GPR39: variants seen among roughly 807,000 people sequenced by gnomAD.
GPR39 encodes zinc sensing receptor.
GPR39 carries 23 observed loss-of-function variants against 18.4 expected under a neutral mutation model. The observed-to-expected ratio is 1.25, with a 90% CI of 0.90 to 1.77. GPR39 has a LOEUF of 1.77. Among genes scored for constraint, GPR39 ranks in the 40% most tolerant of loss-of-function variants. The pLI is 0.00. For synonymous variants in GPR39, 280 were observed against 257.9 expected, an observed-to-expected ratio of 1.09 and a Z score of -0.82; for missense variants, 647 against 602.4, an observed-to-expected ratio of 1.07 and a Z score of -0.78.
intron 1 of GPR39, among the ~76,000 whole-genome samples, chr2:132,630,119 G>A (rs1374904160): frequency 6.6e-6 from 1 of 152,144 alleles, no homozygotes; most frequent in East Asian, 1.9e-4. Flanking sequence ...CATAGACATA[G>A]ACATAGGATA....
intron 1 of GPR39, among the ~76,000 whole-genome samples, chr2:132,599,266 A>T (rs1681000417): frequency 6.6e-6 from 1 of 152,186 alleles, no homozygotes; most frequent in Non-Finnish European, 1.5e-5. Flanking sequence ...AAGCAAAGAA[A>T]CATCTATTTG....
intron 1 of GPR39, among the ~76,000 whole-genome samples, chr2:132,573,390 A>C (rs958411100): frequency 7.2e-5 from 11 of 152,122 alleles, no homozygotes; most frequent in Admixed American, 5.9e-4. Context: ...AAAAGCAATC[A>C]GGAAGGTTTC....
chr2:132,622,663 C>G (rs1397651945), intron 1 of GPR39, among the ~76,000 whole-genome samples: 1 of 152,182 alleles, frequency 6.6e-6, no homozygotes, highest in Non-Finnish European at 1.5e-5. Flanking sequence ...TTTAGGGATT[C>G]TTTTTGTGGC....
intron 1 of GPR39, among the ~76,000 whole-genome samples, chr2:132,619,996 G>A (rs916777835): frequency 3.3e-5 from 5 of 152,018 alleles, no homozygotes; most frequent in South Asian, 2.1e-4. Context: ...GCCCTTTCTC[G>A]TGCTAATCTG....
intron 1 of GPR39, among the ~76,000 whole-genome samples, chr2:132,563,452 T>C (rs1240989468): frequency 2.0e-5 from 3 of 152,178 alleles, no homozygotes; most frequent in Non-Finnish European, 4.4e-5. Context: ...CACGCACCTA[T>C]AGTTCCAGCT....
intron 1 of GPR39, chr2:132,523,667 G>C (rs929782722): frequency 6.6e-6 from 1 of 152,190 alleles, no homozygotes; most frequent in African/African-American, 2.4e-5. Flanking sequence ...TGATTGCCAG[G>C]GTTGATTTGG....
chr2:132,497,141 C>T (rs985143445), intron 1 of GPR39, among the ~76,000 whole-genome samples: 10 of 152,274 alleles, frequency 6.6e-5, no homozygotes, highest in Admixed American at 1.3e-4. Flanking sequence ...TGTGGGCAGG[C>T]GTGTGGCTCT....
At chr2:132,585,947 G>GGTTTT (rs1246120698) in intron 1 of GPR39, among the ~76,000 whole-genome samples, 1 of 41,994 alleles carries the variant, frequency 2.4e-5, no homozygotes, top group Non-Finnish European at 4.4e-5. Flanking sequence ...AAGCATCCCC[G>GGTTTT]GTTTTTTTTT....
At chr2:132,492,543 TATATATAC>T (rs1263204575) in intron 1 of GPR39, among the ~76,000 whole-genome samples, 1 of 142,390 alleles carries the variant, frequency 7.0e-6, no homozygotes, top group East Asian at 2.2e-4. Flanking sequence ...ATATACACCA[TATATATAC>T]ACCATATATA....
intron 1 of GPR39, among the ~76,000 whole-genome samples, chr2:132,634,769 G>T (rs1170112798): frequency 6.6e-6 from 1 of 152,190 alleles, no homozygotes; most frequent in Non-Finnish European, 1.5e-5. Flanking sequence ...CCCCCCTCAG[G>T]TGAATTATTT....
At chr2:132,490,339 AAAG>A (rs1376749280) in intron 1 of GPR39, among the ~76,000 whole-genome samples, 1 of 151,984 alleles carries the variant, frequency 6.6e-6, no homozygotes, top group Non-Finnish European at 1.5e-5. Context: ...TTAATAATCT[AAAG>A]AAATCCAGTT....
At chr2:132,610,773 T>C in intron 1 of GPR39, among the ~76,000 whole-genome samples, 1 of 78,202 alleles carries the variant, frequency 1.3e-5, no homozygotes, top group Admixed American at 1.6e-4. Flanking sequence ...CGAGACTCTG[T>C]CTCCAAAAAA....
intron 1 of GPR39, among the ~76,000 whole-genome samples, chr2:132,594,137 C>A (rs1016793124): frequency 2.0e-5 from 3 of 152,114 alleles, no homozygotes; most frequent in African/African-American, 7.2e-5. Flanking sequence ...CTTGCACTAC[C>A]TTATCACTGG....
chr2:132,488,394 A>G (rs2104793577), intron 1 of GPR39, among the ~76,000 whole-genome samples: 1 of 152,296 alleles, frequency 6.6e-6, no homozygotes, highest in African/African-American at 2.4e-5. Flanking sequence ...CTGCATAGAT[A>G]TTGCAAATAG....
chr2:132,506,488 A>G (rs1679137621), intron 1 of GPR39, among the ~76,000 whole-genome samples: 2 of 152,060 alleles, frequency 1.3e-5, no homozygotes, highest in African/African-American at 2.4e-5. Context: ...TCATGCTGCT[A>G]TGAAGAAATA....
chr2:132,553,159 C>A (rs1458197476), intron 1 of GPR39, among the ~76,000 whole-genome samples: 1 of 151,446 alleles, frequency 6.6e-6, no homozygotes, highest in African/African-American at 2.4e-5. Flanking sequence ...CTCCTGACCT[C>A]AACTATGCCT....
At chr2:132,451,965 C>T (rs6735999) in intron 1 of GPR39, among the ~76,000 whole-genome samples, 1 of 152,086 alleles carries the variant, frequency 6.6e-6, no homozygotes, top group Non-Finnish European at 1.5e-5. Context: ...CTAATAGTTT[C>T]TTCAAGACAT....
intron 1 of GPR39, among the ~76,000 whole-genome samples, chr2:132,503,869 G>C (rs1233412326): frequency 6.6e-6 from 1 of 152,148 alleles, no homozygotes; most frequent in Non-Finnish European, 1.5e-5. Flanking sequence ...AGGTCACCAA[G>C]GAACTGGGGG....
At chr2:132,601,404 A>G (rs572639123) in intron 1 of GPR39, among the ~76,000 whole-genome samples, 1 of 152,276 alleles carries the variant, frequency 6.6e-6, no homozygotes, top group African/African-American at 2.4e-5. Context: ...ATTTAACACA[A>G]TTTAACATTC....
Sources: gnomAD v4.1 joint callset for allele counts (sites outside exome capture counted in the v4.1 genomes callset) on GRCh38, gnomAD v4.1.1 for gene constraint, MANE v1.5 for transcripts, NCBI Gene and HGNC (gene_info 2026-07-23, HGNC 2026-07-21) for gene names.